The following EIF4G3 variants were observed in gnomAD, a reference collection of about 807,000 sequenced individuals.
The protein encoded by EIF4G3 is eIF-4-gamma 3.
Under a neutral mutation model 186.4 loss-of-function variants are expected in EIF4G3, and 34 were observed. The observed-to-expected ratio is 0.18, with a 90% CI of 0.14 to 0.24. EIF4G3 has a LOEUF of 0.24. Ranked by LOEUF, EIF4G3 falls within the 10% of genes least tolerant of loss-of-function variation. The pLI, the probability that EIF4G3 is intolerant of heterozygous loss-of-function variation, is 1.00. For missense variants in EIF4G3, 1,536 were observed against 1,948.5 expected (o/e 0.79, Z 3.99); for synonymous variants, 673 against 679.5 (o/e 0.99, Z 0.15).
intron 35 of EIF4G3, among the ~76,000 whole-genome samples, chr1:20,811,118 T>G: frequency 6.6e-6 from 1 of 151,474 alleles, no homozygotes; most frequent in Non-Finnish European, 1.5e-5. Context: ...CCTGACTAAT[T>G]TTTTTGTGTA....
intron 4 of EIF4G3, among the ~76,000 whole-genome samples, chr1:21,021,050 C>T (rs2090559058): frequency 6.6e-6 from 1 of 152,142 alleles, no homozygotes; most frequent in East Asian, 1.9e-4. Flanking sequence ...GTGGTGAGAC[C>T]TTTGTTCACG....
Position 21,176,357 on chromosome 1 carries a change from G to A in EIF4G3, c.-454C>T. On this transcript the variant is annotated splice_region_variant and 5_prime_UTR_variant, in exon 2 of 37. Transcript: ENST00000602326. ...GTCCGGTTCCTGCTGCAGTCGCTGT[G>A]CCTGATTTCAGAGCCGGTTTCTGCG... is the stretch of plus-strand genomic sequence containing the variant. 1 of 259,918 alleles carries A rather than the reference G, an allele frequency of 3.8e-6. No homozygotes were observed. The highest frequency in any genetic ancestry group is 7.1e-6 in the Non-Finnish European group (1 of 141,074). The allele number at this position is 259,918 out of a possible 1,614,324, so 16.1% of individuals were successfully genotyped here.
At chr1:20,842,620 C>A (rs1428913336) in intron 29 of EIF4G3, among the ~76,000 whole-genome samples, 1 of 152,204 alleles carries the variant, frequency 6.6e-6, no homozygotes, top group Non-Finnish European at 1.5e-5. Flanking sequence ...CCTGCCTCAG[C>A]CTCCCAAAAT....
chr1:20,937,204 C>A (rs36074527), intron 14 of EIF4G3, among the ~76,000 whole-genome samples: 4,172 of 152,264 alleles, frequency 0.027, 87 homozygotes, highest in Non-Finnish European at 0.038. Flanking sequence ...AGGGAATAAA[C>A]CACTGAACCA....
intron 3 of EIF4G3, among the ~76,000 whole-genome samples, chr1:21,063,735 A>T: frequency 7.3e-6 from 1 of 137,804 alleles, no homozygotes; most frequent in African/African-American, 2.7e-5. Context: ...GGGGGGACGC[A>T]GTCTCACTCT....
At chr1:21,176,562 G>T (rs1420820568) in intron 1 of EIF4G3, among the ~76,000 whole-genome samples, 160 bp downstream of exon 1, 2 of 137,960 alleles carry the variant, frequency 1.4e-5, no homozygotes, top group African/African-American at 2.6e-5. Context: ...GGTCACACAC[G>T]CCCGACGCCG....
intron 2 of EIF4G3, among the ~76,000 whole-genome samples, chr1:21,148,413 G>A (rs1461089826): frequency 4.6e-5 from 7 of 151,730 alleles, no homozygotes; most frequent in South Asian, 2.1e-4. Context: ...CTTAAAAATC[G>A]AGTAAACAGC....
chr1:21,108,448 A>G (rs2096656424), intron 2 of EIF4G3, among the ~76,000 whole-genome samples: 1 of 152,192 alleles, frequency 6.6e-6, no homozygotes, highest in South Asian at 2.1e-4. Flanking sequence ...GGGAATGTTG[A>G]TAAAACGGGT....
intron 2 of EIF4G3, among the ~76,000 whole-genome samples, chr1:21,134,873 T>G (rs967331358): frequency 5.3e-5 from 8 of 150,866 alleles, no homozygotes; most frequent in African/African-American, 2.0e-4. Context: ...TACTATGCAG[T>G]GTTTTTTTTT....
chr1:20,979,875 C>A (rs1349209733), intron 10 of EIF4G3, among the ~76,000 whole-genome samples: 1 of 151,848 alleles, frequency 6.6e-6, no homozygotes. Flanking sequence ...CTCAGCCTCC[C>A]GAATATCTGG....
At chr1:20,868,873 G>A (rs2078313409) in intron 20 of EIF4G3, among the ~76,000 whole-genome samples, 1 of 152,172 alleles carries the variant, frequency 6.6e-6, no homozygotes, top group Admixed American at 6.5e-5. Flanking sequence ...TTAGTGTAAA[G>A]AGACCCATCC....
intron 4 of EIF4G3, among the ~76,000 whole-genome samples, chr1:21,040,519 T>C (rs1365993692): frequency 6.6e-6 from 1 of 152,122 alleles, no homozygotes; most frequent in Non-Finnish European, 1.5e-5. Flanking sequence ...AGCCAGTCAG[T>C]CAAAAGTTCC....
intron 12 of EIF4G3, among the ~76,000 whole-genome samples, chr1:20,958,030 T>TCC (rs891581166): frequency 4.6e-5 from 7 of 151,890 alleles, no homozygotes; most frequent in Admixed American, 4.6e-4. Context: ...AAAGAGAGAA[T>TCC]CCTCCCTAAA....
chr1:20,984,296 G>A (rs915334965), intron 7 of EIF4G3, among the ~76,000 whole-genome samples: 1 of 151,496 alleles, frequency 6.6e-6, no homozygotes, highest in Non-Finnish European at 1.5e-5. Flanking sequence ...CTCCTGACTA[G>A]CTGGGACTAT....
intron 4 of EIF4G3, among the ~76,000 whole-genome samples, chr1:21,039,555 T>G (rs2093438201): frequency 6.6e-6 from 1 of 152,112 alleles, no homozygotes; most frequent in African/African-American, 2.4e-5. Flanking sequence ...CCCAGCTACT[T>G]GGGAGGATAA....
At chr1:21,110,871 A>C (rs945520125) in intron 2 of EIF4G3, among the ~76,000 whole-genome samples, 1 of 152,216 alleles carries the variant, frequency 6.6e-6, no homozygotes, top group Non-Finnish European at 1.5e-5. Context: ...CCAGACCCAG[A>C]GTAACTTTTT....
intron 3 of EIF4G3, among the ~76,000 whole-genome samples, chr1:21,061,794 CT>C (rs1170419685): frequency 6.7e-6 from 1 of 148,590 alleles, no homozygotes; most frequent in East Asian, 2.0e-4. Flanking sequence ...GTCACCCAGG[CT>C]GCAGTACAGT....
At chr1:21,125,718 C>T (rs919357935) in intron 2 of EIF4G3, among the ~76,000 whole-genome samples, 22 of 147,002 alleles carry the variant, frequency 1.5e-4, no homozygotes, top group African/African-American at 5.6e-4. Flanking sequence ...GACTCTGTAT[C>T]GAAAATAAAT....
intron 12 of EIF4G3, among the ~76,000 whole-genome samples, chr1:20,955,663 G>T (rs1179765584): frequency 6.6e-6 from 1 of 152,130 alleles, no homozygotes; most frequent in Non-Finnish European, 1.5e-5. Flanking sequence ...TGGTAATAAT[G>T]GGGGGCAGTT....
Sources: allele counts gnomAD v4.1 joint callset (sites outside exome capture counted in the v4.1 genomes callset), GRCh38; gene constraint gnomAD v4.1.1; transcripts MANE v1.5; gene names NCBI Gene and HGNC (gene_info 2026-07-23, HGNC 2026-07-21).